The following EYS variants were observed in gnomAD, a reference collection of about 807,000 sequenced individuals.
EYS encodes protein eyes shut homolog.
In EYS, 250 loss-of-function variants were observed where a neutral mutation model predicts 282.1. That is an observed-to-expected ratio of 0.89 (90% CI 0.80 to 0.98). EYS has a LOEUF of 0.98. Among genes scored for constraint, EYS ranks in the 50% least tolerant of loss-of-function variants. The probability of loss-of-function intolerance (pLI) is 0.00; values close to 1 mark genes in which losing one functional copy is unlikely to be tolerated. For synonymous variants in EYS, 1,355 were observed against 1,282.9 expected, an observed-to-expected ratio of 1.06 and a Z score of -1.20; for missense variants, 4,016 against 3,709.0, an observed-to-expected ratio of 1.08 and a Z score of -2.15.
chr6:64,158,956 AAATT>A (rs1379962645), intron 31 of EYS, among the ~76,000 whole-genome samples: 1 of 152,216 alleles, frequency 6.6e-6, no homozygotes, highest in Non-Finnish European at 1.5e-5. Flanking sequence ...TGTTGTGGAC[AAATT>A]AATGAGCAAA....
At chr6:64,848,123 A>G (rs374204138) in intron 19 of EYS, among the ~76,000 whole-genome samples, 12 of 152,036 alleles carry the variant, frequency 7.9e-5, no homozygotes, top group Non-Finnish European at 1.8e-4. Flanking sequence ...CTACTGCCCC[A>G]GTTCCTGAAC....
intron 19 of EYS, among the ~76,000 whole-genome samples, chr6:64,824,580 G>A (rs887666954): frequency 4.6e-5 from 7 of 151,794 alleles, no homozygotes; most frequent in Admixed American, 1.3e-4. Flanking sequence ...AAAAGTCTCC[G>A]TATCACTATG....
At chr6:64,018,836 A>G (rs1034939553) in intron 33 of EYS, among the ~76,000 whole-genome samples, 1 of 127,504 alleles carries the variant, frequency 7.8e-6, no homozygotes, top group Admixed American at 1.0e-4. Flanking sequence ...GTGCAATGGC[A>G]CAGTCTCAGC....
At chr6:63,884,571 A>G (rs951450762) in intron 35 of EYS, among the ~76,000 whole-genome samples, 1 of 152,174 alleles carries the variant, frequency 6.6e-6, no homozygotes, top group African/African-American at 2.4e-5. Flanking sequence ...TTTTATTTTA[A>G]AAATCTTGAC....
chr6:63,726,233 C>T (rs1371137778), intron 42 of EYS, among the ~76,000 whole-genome samples: 4 of 152,138 alleles, frequency 2.6e-5, no homozygotes, highest in Admixed American at 1.3e-4. Context: ...TCTCCTTTGA[C>T]ATAGTACTAT....
At chr6:63,949,011 T>C (rs1208927183) in intron 35 of EYS, among the ~76,000 whole-genome samples, 1 of 152,202 alleles carries the variant, frequency 6.6e-6, no homozygotes, top group Non-Finnish European at 1.5e-5. Context: ...GTACTACCTA[T>C]AATATTTTGA....
chr6:64,284,451 G>A (rs1284512632), intron 30 of EYS, among the ~76,000 whole-genome samples: 2 of 152,144 alleles, frequency 1.3e-5, no homozygotes, highest in African/African-American at 4.8e-5. Flanking sequence ...CCTCCCAGTT[G>A]CTTTCATGGG....
At chr6:63,966,177 C>G (rs1002900812) in intron 35 of EYS, among the ~76,000 whole-genome samples, 3 of 152,142 alleles carry the variant, frequency 2.0e-5, no homozygotes, top group African/African-American at 7.2e-5. Flanking sequence ...TGGAATACTA[C>G]TCAGCCATAA....
At chr6:64,345,229 G>C (rs1408662350) in intron 29 of EYS, among the ~76,000 whole-genome samples, 1 of 152,124 alleles carries the variant, frequency 6.6e-6, no homozygotes, top group African/African-American at 2.4e-5. Context: ...CCAAAAAAGA[G>C]CCCACATTGC....
chr6:64,792,088 T>C (rs1774208840), intron 22 of EYS, among the ~76,000 whole-genome samples: 1 of 151,904 alleles, frequency 6.6e-6, no homozygotes, highest in African/African-American at 2.4e-5. Flanking sequence ...TTATAATGAC[T>C]GACTCAATTT....
chr6:65,220,123 A>T (rs1233102029), intron 12 of EYS, among the ~76,000 whole-genome samples: 2 of 152,180 alleles, frequency 1.3e-5, no homozygotes, highest in African/African-American at 2.4e-5. Context: ...CTATTTTTTT[A>T]AACTTTTTAT....
intron 1 of EYS, among the ~76,000 whole-genome samples, chr6:65,645,521 G>A (rs139262093): frequency 1.1e-4 from 16 of 152,160 alleles, no homozygotes; most frequent in East Asian, 1.9e-4. Context: ...TCTGGGATAC[G>A]GCAAAAGTGG....
intron 12 of EYS, among the ~76,000 whole-genome samples, chr6:65,213,511 G>C (rs56101162): frequency 0.25 from 37,726 of 151,954 alleles, 4,860 homozygotes; most frequent in Middle Eastern, 0.28. Context: ...TCTGTGTGAC[G>C]GCTGGGCAAT....
intron 29 of EYS, among the ~76,000 whole-genome samples, chr6:64,347,843 C>G (rs1771467629): frequency 6.6e-6 from 1 of 151,270 alleles, no homozygotes; most frequent in Non-Finnish European, 1.5e-5. Flanking sequence ...TATAGCACTT[C>G]TCCTTCACTC....
chr6:65,345,594 T>C (rs1770361498), intron 9 of EYS, among the ~76,000 whole-genome samples: 1 of 151,796 alleles, frequency 6.6e-6, no homozygotes. Context: ...TATGATTTGC[T>C]CAGTTTTTCC....
At chr6:64,997,204 T>C (rs1489739822) in intron 14 of EYS, among the ~76,000 whole-genome samples, 1 of 152,134 alleles carries the variant, frequency 6.6e-6, no homozygotes, top group Non-Finnish European at 1.5e-5. Context: ...AAGATAATGA[T>C]AATGAAATAC....
chr6:64,661,144 C>T (rs540086673), intron 22 of EYS, among the ~76,000 whole-genome samples: 2,087 of 152,166 alleles, frequency 0.014, 29 homozygotes, highest in Non-Finnish European at 0.019. Flanking sequence ...GGAAACGATT[C>T]CCTATTTAAT....
rs140998663 is a variant in EYS at position 64,200,238 on chromosome 6, A to G, written c.6424+30354T>C. Among the ~76,000 whole-genome samples the G allele has an allele frequency of 8.6e-3, 1,308 of 152,092 alleles. 25 individuals carry two copies. Among genetic ancestry groups the G allele is most frequent in the African/African-American group, 0.029 (1,198 of 41,560 alleles). ...TATAACAGTGGTAAAATTATTCTGC[A>G]TTATATTCTAATGGTGGACACGTGA... On this transcript the variant is annotated intron_variant, in intron 31 of 42. Coordinates refer to ENST00000503581, the MANE Select transcript of EYS (RefSeq NM_001142800.2).
At chr6:63,831,285 A>G (rs1322926500) in intron 36 of EYS, among the ~76,000 whole-genome samples, 1 of 152,224 alleles carries the variant, frequency 6.6e-6, no homozygotes, top group Non-Finnish European at 1.5e-5. Context: ...TTGGATAAAG[A>G]GTCAAGACCC....
Sources: gnomAD v4.1 joint callset for allele counts (sites outside exome capture counted in the v4.1 genomes callset) on GRCh38, gnomAD v4.1.1 for gene constraint, MANE v1.5 for transcripts, NCBI Gene and HGNC (gene_info 2026-07-23, HGNC 2026-07-21) for gene names.